Variants in ZNF664 observed in about 807,000 individuals in gnomAD.
ZNF664 encodes the protein zinc finger Organ of Corti 1.
Under a neutral mutation model 18.2 loss-of-function variants are expected in ZNF664, and 10 were observed. The ratio of observed to expected loss-of-function variants is 0.55; its 90% CI spans 0.34 to 0.93. The LOEUF is 0.93. ZNF664 is among the 40% of genes least tolerant of loss of function. ZNF664 has a pLI of 0.02. For synonymous variants in ZNF664, 119 were observed against 104.2 expected (o/e 1.14, Z -0.86); for missense variants, 193 against 319.0 (o/e 0.61, Z 3.01).
At chr12:123,973,826 G>T in intron 1 of ZNF664, 60 bp from the exon 2 acceptor site, 1 of 1,178,892 alleles carries the variant, frequency 8.5e-7, no homozygotes, top group Non-Finnish European at 1.1e-6. Flanking sequence ...CGCGCCAGGG[G>T]ACCGGGGAGC....
chr12:124,012,048 A>G lies in ZNF664; in HGVS notation c.-97A>G. On this transcript the variant is annotated 5_prime_UTR_variant, in exon 5 of 5. Transcript: ENST00000337815. The stretch of plus-strand genomic sequence containing the variant: ...AGAGCAAGCCTGAGATAGACTGCCA[A>G]AATGGCCAAATAAGAGACTCTATGA... 2 of 1,476,484 alleles carry G rather than the reference A, an allele frequency of 1.4e-6. No individual in the cohort carries two copies. The highest frequency in any genetic ancestry group is 1.8e-6 in the Non-Finnish European group (2 of 1,122,538). 91.5% of individuals were successfully genotyped at this position (1,476,484 alleles called of 1,614,324 possible).
chr12:123,988,136 G>A lies in ZNF664; in HGVS notation c.-663G>A. 1 of 1,231,478 alleles carries A rather than the reference G, an allele frequency of 8.1e-7. No homozygotes were observed. Among genetic ancestry groups the A allele is most frequent in the Non-Finnish European group, 1.0e-6 (1 of 987,824 alleles). 76.3% of individuals were successfully genotyped at this position (1,231,478 alleles called of 1,614,324 possible). A position where few individuals can be genotyped will look rare whatever the true frequency, so the allele number is the denominator to read the frequency against. The stretch of plus-strand genomic sequence containing the variant: ...TCTTGGGGGTTTTGATCCTGTCACT[G>A]TGGTAAGTTTTCCCCTTGTTTCACC... On this transcript the variant is annotated splice_region_variant and 5_prime_UTR_variant, in exon 3 of 5. It adds an upstream start codon to the 5' untranslated region. Transcript: ENST00000337815.
chr12:123,988,160 C>G (rs1956846225), intron 3 of ZNF664, 22 bp downstream of exon 3: 4 of 1,231,346 alleles, frequency 3.2e-6, no homozygotes, highest in Non-Finnish European at 4.0e-6. Flanking sequence ...CCTTGTTTCA[C>G]CATTTGTCCT....
At chr12:123,987,122 A>G (rs1320611482) in intron 2 of ZNF664, among the ~76,000 whole-genome samples, 2 of 152,350 alleles carry the variant, frequency 1.3e-5, no homozygotes, top group East Asian at 3.9e-4. Flanking sequence ...GGATCATTCT[A>G]ACCACATGCC....
intron 2 of ZNF664, chr12:123,974,681 T>G (rs1385484056): frequency 6.6e-6 from 1 of 152,226 alleles, no homozygotes; most frequent in Non-Finnish European, 1.5e-5. Flanking sequence ...TTCTAGATCT[T>G]TTGGAGTACT....
intron 2 of ZNF664, among the ~76,000 whole-genome samples, chr12:123,980,492 TTCTGCACAAAA>T (rs1956751272): frequency 6.6e-6 from 1 of 152,212 alleles, no homozygotes; most frequent in Admixed American, 6.5e-5. Flanking sequence ...GAGAAAAGCT[TTCTGCACAAAA>T]TATGTATATT....
chr12:123,986,750 T>C (rs1594549913), intron 2 of ZNF664, among the ~76,000 whole-genome samples: 1 of 152,188 alleles, frequency 6.6e-6, no homozygotes, highest in African/African-American at 2.4e-5. Context: ...CCCTTAAAGC[T>C]GAAGCAGTTC....
intron 3 of ZNF664, among the ~76,000 whole-genome samples, chr12:124,001,211 G>C (rs988897773): frequency 6.6e-6 from 1 of 152,112 alleles, no homozygotes; most frequent in African/African-American, 2.4e-5. Context: ...CTTTAGTCCA[G>C]ATTATGATCA....
intron 3 of ZNF664, among the ~76,000 whole-genome samples, chr12:123,989,091 G>A (rs1194931583): frequency 6.6e-6 from 1 of 152,164 alleles, no homozygotes; most frequent in Non-Finnish European, 1.5e-5. Context: ...AAGGAGGATT[G>A]GCTGTGGGAG....
At chr12:123,977,531 G>C (rs1201939463) in intron 2 of ZNF664, among the ~76,000 whole-genome samples, 1 of 149,692 alleles carries the variant, frequency 6.7e-6, no homozygotes, top group South Asian at 2.1e-4. Flanking sequence ...CAAGTGAACC[G>C]TGTAGGCACA....
At chr12:124,007,861 GC>G (rs1957091357) in intron 3 of ZNF664, among the ~76,000 whole-genome samples, 1 of 152,056 alleles carries the variant, frequency 6.6e-6, no homozygotes, top group African/African-American at 2.4e-5. Context: ...GTTTGCTGAA[GC>G]ATTTTAAGTC....
chr12:123,982,746 A>C (rs541521414), intron 2 of ZNF664, among the ~76,000 whole-genome samples: 4 of 152,326 alleles, frequency 2.6e-5, no homozygotes, highest in Non-Finnish European at 5.9e-5. Flanking sequence ...ACGTCCTGGA[A>C]GTTAGAAAGT....
rs1956616798 is a variant in ZNF664 at position 123,973,326 on chromosome 12, C to T, written c.-918C>T. ...GAGGTGGGTGCGCGGCGCCCGCGGC[C>T]TGGGGCGCTGACTCCCCTCACTTGG... On this transcript the variant is annotated 5_prime_UTR_variant, in exon 1 of 5. Transcript: ENST00000337815. The T allele has an allele frequency of 5.9e-6, 5 of 851,712 alleles. No homozygotes were observed. The highest frequency in any genetic ancestry group is 1.9e-5 in the African/African-American group (1 of 51,944). The allele number at this position is 851,712 out of a possible 1,614,324, so 52.8% of individuals were successfully genotyped here.
At chr12:123,982,747 G>A (rs1043144980) in intron 2 of ZNF664, among the ~76,000 whole-genome samples, 2 of 152,234 alleles carry the variant, frequency 1.3e-5, no homozygotes, top group African/African-American at 4.8e-5. Flanking sequence ...CGTCCTGGAA[G>A]TTAGAAAGTT....
At chr12:124,000,225 A>AC (rs535082829) in intron 3 of ZNF664, among the ~76,000 whole-genome samples, 176 of 152,042 alleles carry the variant, frequency 1.2e-3, no homozygotes, top group Middle Eastern at 3.4e-3. Context: ...CCTCCAGACA[A>AC]CCATCTCACA....
intron 1 of ZNF664, 173 bp from the exon 2 acceptor site, chr12:123,973,713 T>C: frequency 1.0e-6 from 1 of 991,486 alleles, no homozygotes. Flanking sequence ...CCAGGCTCCA[T>C]TGTTGTTGGA....
At position 123,973,940 on chromosome 12, in the gene ZNF664, C is replaced by G; in HGVS notation, c.-837C>G. On this transcript the variant is annotated 5_prime_UTR_variant, in exon 2 of 5. Transcript: ENST00000337815. ...CATCCCGCTCAGGTGATGAGGAACC[C>G]CTCGCGCACCCAGCGCAGAAGGCTG... 8 of 1,231,914 alleles carry G rather than the reference C, an allele frequency of 6.5e-6. No homozygotes were observed. The highest frequency in any genetic ancestry group is 8.1e-6 in the Non-Finnish European group (8 of 988,080). 76.3% of individuals were successfully genotyped at this position (1,231,914 alleles called of 1,614,324 possible).
chr12:124,003,428 T>TG (rs1957036313), intron 3 of ZNF664: 3 of 151,280 alleles, frequency 2.0e-5, no homozygotes, highest in Admixed American at 2.0e-4. Context: ...GACAGAGTCT[T>TG]GCTCTGTCGC....
chr12:123,996,686 G>A (rs1325612122), intron 3 of ZNF664, among the ~76,000 whole-genome samples: 2 of 152,110 alleles, frequency 1.3e-5, no homozygotes, highest in South Asian at 2.1e-4. Context: ...ACAGAATGTC[G>A]TTGGGGGCGG....
Sources: allele counts gnomAD v4.1 joint callset (sites outside exome capture counted in the v4.1 genomes callset), GRCh38; gene constraint gnomAD v4.1.1; transcripts MANE v1.5; gene names NCBI Gene and HGNC (gene_info 2026-07-23, HGNC 2026-07-21).